DNAH11: variants seen among roughly 807,000 people sequenced by gnomAD.
DNAH11 encodes axonemal beta dynein heavy chain 11.
A neutral mutation model predicts 526.0 loss-of-function variants in DNAH11; 442 were observed. That is an observed-to-expected ratio of 0.84 (90% confidence interval 0.78 to 0.91). The LOEUF (loss-of-function observed/expected upper bound fraction) is 0.91, where lower values mean the gene tolerates loss of function less well. DNAH11 is among the 40% of genes least tolerant of loss of function. The pLI, the probability that DNAH11 is intolerant of heterozygous loss-of-function variation, is 0.00. For missense variants in DNAH11, 6,989 were observed against 5,448.7 expected (o/e 1.28, Z -8.90); for synonymous variants, 2,461 against 1,935.9 (o/e 1.27, Z -7.12).
At chr7:21,581,791 C>T (rs1486300244) in intron 8 of DNAH11, 114 bp from the exon 9 acceptor site, 2 of 662,286 alleles carry the variant, frequency 3.0e-6, no homozygotes, top group East Asian at 2.6e-5. Context: ...AATAAATTCA[C>T]TCAGAGACAG....
At chr7:21,707,071 T>G (rs1267650150) in intron 39 of DNAH11, among the ~76,000 whole-genome samples, 2 of 152,176 alleles carry the variant, frequency 1.3e-5, no homozygotes, top group Non-Finnish European at 2.9e-5. Flanking sequence ...TTTAGCAACC[T>G]CCCTGGTCTC....
At chr7:21,891,013 T>C (rs1028600515) in intron 76 of DNAH11, among the ~76,000 whole-genome samples, 4 of 152,226 alleles carry the variant, frequency 2.6e-5, no homozygotes, top group African/African-American at 9.6e-5. Context: ...ACATAGGCTT[T>C]CTAAGTAACC....
intron 54 of DNAH11, among the ~76,000 whole-genome samples, chr7:21,759,987 C>G (rs752222184): frequency 3.9e-5 from 6 of 152,136 alleles, no homozygotes; most frequent in Non-Finnish European, 8.8e-5. Context: ...TTGCTTTTTA[C>G]TTGTGAGAAT....
In DNAH11 at chr7:21,717,960, T is replaced by G. The variant is rs2240470; in HGVS notation, c.7134+35T>G. 2.9e-5 allele frequency: 46 copies of G among 1,585,138 alleles called. No homozygotes were observed. The African/African-American group carries it at 4.7e-4, about 16-fold the overall frequency. On this transcript the variant is annotated intron_variant, in intron 43 of 81. Transcript: ENST00000409508. ...CGGTTACGCCATTTAACGTTCTAGT[T>G]CTGATGCGGTAGTGTTTGTTGATCA...
chr7:21,899,592 TAGAGGAAAC>T, intron 80 of DNAH11, 144 bp downstream of exon 80: 1 of 713,930 alleles, frequency 1.4e-6, no homozygotes, highest in South Asian at 1.9e-5. Context: ...CCAGCAGCTA[TAGAGGAAAC>T]AGAGTCCTGG....
chr7:21,788,065 T>G lies in DNAH11; in HGVS notation c.9924+482T>G, dbSNP rs1434147817. 3.3e-5 allele frequency among the ~76,000 whole-genome samples: 5 copies of G among 152,286 alleles called. No homozygotes were observed. In the East Asian group the frequency reaches 7.7e-4, roughly 24 times the overall value. The stretch of plus-strand genomic sequence containing the variant: ...GCCTATATGTGATCTAACCTAAAAT[T>G]TGTACTTTTCGGCAGTGTAGAGATA... On this transcript the variant is annotated intron_variant, in intron 60 of 81. Transcript: ENST00000409508.
intron 37 of DNAH11, 131 bp downstream of exon 37, chr7:21,702,933 G>A: frequency 1.3e-6 from 1 of 758,134 alleles, no homozygotes; most frequent in South Asian, 1.9e-5. Flanking sequence ...GTTAATGCAG[G>A]AAATTTGAGG....
chr7:21,828,440 A>C, intron 65 of DNAH11, among the ~76,000 whole-genome samples: 1 of 152,160 alleles, frequency 6.6e-6, no homozygotes, highest in Non-Finnish European at 1.5e-5. Flanking sequence ...TTCTATTCCT[A>C]AATTTAGTAA....
chr7:21,646,824 A>T (rs577468297), intron 28 of DNAH11, among the ~76,000 whole-genome samples: 92 of 152,312 alleles, frequency 6.0e-4, no homozygotes, highest in African/African-American at 2.2e-3. Context: ...AAAGGATCAA[A>T]CCTTTTCCAA....
At chr7:21,606,811 C>A (rs1266942115) in intron 20 of DNAH11, 78 bp downstream of exon 20, 1 of 1,208,464 alleles carries the variant, frequency 8.3e-7, no homozygotes, top group Non-Finnish European at 1.2e-6. Flanking sequence ...AAAATACTGC[C>A]ACATTTTGTC....
At chr7:21,578,379 CTA>C (rs778620745) in intron 8 of DNAH11, among the ~76,000 whole-genome samples, 39 of 152,348 alleles carry the variant, frequency 2.6e-4, no homozygotes, top group Admixed American at 1.3e-4. Flanking sequence ...TCCTTTGACT[CTA>C]TGTCTCACAT....
rs1783254776 is a variant in DNAH11 at position 21,683,949 on chromosome 7, C to A, written c.5621+5C>A. On this transcript the variant is annotated splice_donor_5th_base_variant and intron_variant, in intron 32 of 81. Transcript: ENST00000409508. ...GATCACTCCTCTAACTGACAGGTAACAATTCAAAGTTTCCGTCCAGATAGG... is the reference window on the plus strand; with the variant it reads ...GATCACTCCTCTAACTGACAGGTAAAAATTCAAAGTTTCCGTCCAGATAGG... The A allele has an allele frequency of 6.2e-7, 1 of 1,611,776 alleles. No individual in the cohort carries two copies. The highest frequency in any genetic ancestry group is 8.5e-7 in the Non-Finnish European group (1 of 1,178,868).
In DNAH11 at chr7:21,606,656, G is replaced by A. The variant is rs763751899; in HGVS notation, c.3775G>A (p.Ala1259Thr). Residue 1259 changes from alanine to threonine, a missense_variant, in exon 20 of 82, where the codon GCA becomes ACA. By Grantham distance (58) the Ala-to-Thr change is moderately conservative. Coordinates refer to ENST00000409508, the MANE Select transcript of DNAH11 (RefSeq NM_001277115.2). ...KKCILFDAKQ[A>T]EFRERFRHYA... is the part of the protein sequence containing the mutation. Reference sequence around the variant, plus strand: ...TTTTTGCAATGATCAGGCAAAGCAGGCAGAGTTCAGAGAGAGATTCAGACA... The same window carrying A: ...TTTTTGCAATGATCAGGCAAAGCAGACAGAGTTCAGAGAGAGATTCAGACA... The A allele has an allele frequency of 9.5e-6, 15 of 1,575,194 alleles. No individual in the cohort carries two copies. The East Asian group carries it at 2.0e-4, about 21-fold the overall frequency.
At chr7:21,791,002 C>G (rs1212544984) in intron 61 of DNAH11, among the ~76,000 whole-genome samples, 2 of 152,184 alleles carry the variant, frequency 1.3e-5, no homozygotes, top group African/African-American at 4.8e-5. Context: ...GTTAGAAAGC[C>G]ACTGTCGTGA....
Position 21,711,697 on chromosome 7 carries a change from T to G in DNAH11, c.6835-15T>G, listed in dbSNP as rs1784469267. ...TTGCTTTTGCCCATGGGTGACAGTG[T>G]GCTGCTCACTCCAGGTGCTGACCCT... On this transcript the variant is annotated splice_polypyrimidine_tract_variant and intron_variant, in intron 41 of 81. Transcript: ENST00000409508. The G allele has an allele frequency of 3.7e-6, 6 of 1,611,280 alleles. No homozygotes were observed. Among genetic ancestry groups the G allele is most frequent in the Non-Finnish European group, 4.2e-6 (5 of 1,178,114 alleles).
intron 54 of DNAH11, among the ~76,000 whole-genome samples, chr7:21,763,353 A>AAAAAAAAAAAAAAAAAG (rs66803559): frequency 1.2e-4 from 7 of 56,960 alleles, no homozygotes; most frequent in Non-Finnish European, 1.7e-4. Context: ...AAAAAAAAAA[A>AAAAAAAAAAAAAAAAAG]AAAGAAAAAA....
chr7:21,636,419 T>A (rs1786868122), intron 26 of DNAH11, among the ~76,000 whole-genome samples: 1 of 152,148 alleles, frequency 6.6e-6, no homozygotes, highest in Non-Finnish European at 1.5e-5. Flanking sequence ...CAAAATACAC[T>A]GTTTTTTATT....
At chr7:21,900,810 C>G (rs1302712035) in intron 81 of DNAH11, 197 bp from the exon 82 acceptor site, 2 of 743,172 alleles carry the variant, frequency 2.7e-6, no homozygotes, top group South Asian at 6.0e-5. Context: ...CGCATGGAAG[C>G]AAAGCGGTGC....
At chr7:21,805,014 C>T (rs972354006) in intron 62 of DNAH11, among the ~76,000 whole-genome samples, 1 of 152,122 alleles carries the variant, frequency 6.6e-6, no homozygotes, top group Non-Finnish European at 1.5e-5. Context: ...CTTCCAGGCA[C>T]GCTCCTTCTT....
Sources: gnomAD v4.1 joint callset for allele counts (sites outside exome capture counted in the v4.1 genomes callset) on GRCh38, gnomAD v4.1.1 for gene constraint, MANE v1.5 for transcripts, NCBI Gene and HGNC (gene_info 2026-07-23, HGNC 2026-07-21) for gene names.